Variants in STK35 observed in about 807,000 individuals in gnomAD.
STK35 encodes the protein serine/threonine-protein kinase 35.
STK35 carries 17 observed loss-of-function variants against 37.3 expected under a neutral mutation model. The observed-to-expected ratio is 0.46, with a 90% CI of 0.31 to 0.68. STK35 has a LOEUF of 0.68. Ranked by LOEUF, STK35 falls within the 30% of genes least tolerant of loss-of-function variation. STK35 has a pLI of 0.05. For synonymous variants in STK35, 385 were observed against 319.1 expected (o/e 1.21, Z -2.20); for missense variants, 595 against 746.7 (o/e 0.80, Z 2.37).
At chr20:2,123,947 A>C (rs1200509953) in intron 3 of STK35, among the ~76,000 whole-genome samples, 1 of 152,144 alleles carries the variant, frequency 6.6e-6, no homozygotes, top group Non-Finnish European at 1.5e-5. Flanking sequence ...GCAGTGATTC[A>C]TGGTCGTCCC....
At position 2,103,083 on chromosome 20, in the gene STK35, C is replaced by G; in HGVS notation, c.610C>G (p.Leu204Val). 1 of 1,596,686 alleles carries G rather than the reference C, an allele frequency of 6.3e-7. No homozygotes were observed. Among genetic ancestry groups the G allele is most frequent in the Non-Finnish European group, 8.5e-7 (1 of 1,177,842 alleles). The change falls in exon 2 of 4, where the codon CTG becomes GTG. Residue 204 changes from leucine (L) to valine (V), a missense_variant. By Grantham distance (32) the Leu-to-Val change is conservative. Around this residue, in one of 3 missense-constraint regions of STK35, gnomAD observed 389 missense variants for 320.0 expected, o/e 1.22. Transcript: ENST00000381482. ...GGGSARPRYSLLAEIGRGSYG... is the reference protein window; with the variant it reads ...GGGSARPRYSVLAEIGRGSYG... Reference sequence around the variant, plus strand: ...CGGGTCCGCGCGGCCGCGTTACAGCCTGTTGGCGGAGATCGGGCGCGGCAG... The same window carrying G: ...CGGGTCCGCGCGGCCGCGTTACAGCGTGTTGGCGGAGATCGGGCGCGGCAG...
At chr20:2,119,366 T>G (rs1182690925) in intron 3 of STK35, among the ~76,000 whole-genome samples, 2 of 152,042 alleles carry the variant, frequency 1.3e-5, no homozygotes, top group African/African-American at 4.8e-5. Flanking sequence ...CTAGACCAAT[T>G]TGGGTTAATG....
chr20:2,112,722 A>G (rs1985643544), intron 2 of STK35, among the ~76,000 whole-genome samples: 1 of 152,234 alleles, frequency 6.6e-6, no homozygotes, highest in African/African-American at 2.4e-5. Flanking sequence ...GGAACCCAGT[A>G]GGCTTTCACA....
At chr20:2,116,632 T>TGAG in intron 2 of STK35, 34 bp from the exon 3 acceptor site, 3 of 1,586,516 alleles carry the variant, frequency 1.9e-6, no homozygotes, top group Non-Finnish European at 2.6e-6. Context: ...TGTGTCCATC[T>TGAG]CACTCAAGCT....
chr20:2,147,949 G>C lies in STK35; in HGVS notation c.*4203G>C, dbSNP rs1986300382. 1 of 152,236 alleles carries C rather than the reference G, an allele frequency of 6.6e-6. No individual in the cohort carries two copies. The highest frequency in any genetic ancestry group is 1.9e-4 in the East Asian group (1 of 5,192). 9.4% of individuals were successfully genotyped at this position (152,236 alleles called of 1,614,324 possible). ...GTATCTCTGATCCTGCCCTACCTAG[G>C]CTTCAAGGGGCTTCTGTCTGGAGAA... On this transcript the variant is annotated 3_prime_UTR_variant, in exon 4 of 4. Transcript: ENST00000381482.
At chr20:2,134,150 T>C (rs747985008) in intron 3 of STK35, among the ~76,000 whole-genome samples, 7 of 151,718 alleles carry the variant, frequency 4.6e-5, no homozygotes, top group Non-Finnish European at 4.4e-5. Flanking sequence ...ATCCTAGCTA[T>C]TGGGGAGGCT....
intron 3 of STK35, among the ~76,000 whole-genome samples, chr20:2,119,702 G>A (rs6112914): frequency 0.31 from 47,535 of 152,120 alleles, 9,174 homozygotes; most frequent in East Asian, 0.93. Context: ...CTGCTCTTAC[G>A]TTGTGCTGAA....
In STK35 at chr20:2,146,216, G is replaced by A. The variant is rs1435376391; in HGVS notation, c.*2470G>A. 1 of 152,272 alleles carries A rather than the reference G, an allele frequency of 6.6e-6. No homozygotes were observed. The highest frequency in any genetic ancestry group is 1.5e-5 in the Non-Finnish European group (1 of 68,096). 9.4% of individuals were successfully genotyped at this position (152,272 alleles called of 1,614,324 possible). ...ACTTGCCCACCTCAGGCACTCAGCGGGCTCCGCCGTGGTGAGAGAACTGGC... is the reference window on the plus strand; with the variant it reads ...ACTTGCCCACCTCAGGCACTCAGCGAGCTCCGCCGTGGTGAGAGAACTGGC... On this transcript the variant is annotated 3_prime_UTR_variant, in exon 4 of 4. Coordinates refer to ENST00000381482, the MANE Select transcript of STK35 (RefSeq NM_080836.4).
chr20:2,117,078 G>C lies in STK35; in HGVS notation c.1305G>C (p.Ala435=). ...EVWEGHYTAK[A]DIFALGIIIW... ...GGGAGGGACACTACACAGCCAAGGC[G>C]GACATCTTTGCCCTGGGCATTATCA... is the stretch of plus-strand genomic sequence containing the variant. The change falls in exon 3 of 4, where the codon GCG becomes GCC. Residue 435 remains alanine, a synonymous_variant. Transcript: ENST00000381482. This position sits in a 1 kb window ranked among gnomAD's most constrained non-coding sequence, Gnocchi z 4.4. 6.2e-7 allele frequency: 1 copy of C among 1,614,012 alleles called. No homozygotes were observed. The highest frequency in any genetic ancestry group is 8.5e-7 in the Non-Finnish European group (1 of 1,179,924).
intron 2 of STK35, among the ~76,000 whole-genome samples, chr20:2,116,388 G>T (rs1600604895): frequency 6.6e-6 from 1 of 152,268 alleles, no homozygotes; most frequent in South Asian, 2.1e-4. Context: ...GGCACTCCCT[G>T]TTTGGAGACA....
chr20:2,108,735 G>A (rs1985563621), intron 2 of STK35, among the ~76,000 whole-genome samples: 1 of 152,164 alleles, frequency 6.6e-6, no homozygotes, highest in African/African-American at 2.4e-5. Flanking sequence ...AGCCCCAGGA[G>A]ACAGAAGCAG....
intron 2 of STK35, among the ~76,000 whole-genome samples, chr20:2,113,916 C>T (rs555886592): frequency 6.6e-6 from 1 of 152,246 alleles, no homozygotes; most frequent in African/African-American, 2.4e-5. Flanking sequence ...GGGTTCCAGC[C>T]ATCTTTTCAT....
intron 2 of STK35, among the ~76,000 whole-genome samples, chr20:2,116,068 G>T (rs778852575): frequency 1.3e-5 from 2 of 152,188 alleles, no homozygotes; most frequent in Non-Finnish European, 2.9e-5. Context: ...CCTCATAGAG[G>T]TGGAGGCATG....
At chr20:2,112,738 A>C (rs759758743) in intron 2 of STK35, among the ~76,000 whole-genome samples, 5 of 152,212 alleles carry the variant, frequency 3.3e-5, no homozygotes, top group Non-Finnish European at 7.3e-5. Flanking sequence ...TCACAGGCTA[A>C]TTTACCTCAA....
At chr20:2,126,146 A>G (rs1347644874) in intron 3 of STK35, among the ~76,000 whole-genome samples, 2 of 152,220 alleles carry the variant, frequency 1.3e-5, no homozygotes, top group African/African-American at 2.4e-5. Context: ...TCCGTCACTC[A>G]TGCTTACTCC....
intron 2 of STK35, among the ~76,000 whole-genome samples, chr20:2,111,791 C>T (rs972979127): frequency 2.6e-5 from 4 of 152,182 alleles, no homozygotes; most frequent in Non-Finnish European, 4.4e-5. Context: ...AGCCTCATTC[C>T]GGCACATCTA....
intron 2 of STK35, among the ~76,000 whole-genome samples, chr20:2,106,575 G>T (rs1164970510): frequency 1.3e-5 from 2 of 152,238 alleles, no homozygotes; most frequent in African/African-American, 4.8e-5. Flanking sequence ...CTTTGCACAA[G>T]AATTAAGAGG....
chr20:2,103,411 C>T, intron 2 of STK35, 46 bp downstream of exon 2: 1 of 1,564,106 alleles, frequency 6.4e-7, no homozygotes, highest in Non-Finnish European at 8.7e-7. Context: ...CCTGGACCCC[C>T]TGCTCTCCGG....
chr20:2,112,205 C>T (rs2061438852), intron 2 of STK35, among the ~76,000 whole-genome samples: 1 of 152,224 alleles, frequency 6.6e-6, no homozygotes, highest in South Asian at 2.1e-4. Context: ...AAGTGCCTGT[C>T]TTTCCAAAGC....
Sources: allele counts gnomAD v4.1 joint callset (sites outside exome capture counted in the v4.1 genomes callset), GRCh38; gene constraint gnomAD v4.1.1; regional missense constraint gnomAD v4.1.1; non-coding constraint Gnocchi (gnomAD v3.1); transcripts MANE v1.5; gene names NCBI Gene and HGNC (gene_info 2026-07-23, HGNC 2026-07-21).